The following ZMAT3 variants were observed in gnomAD, a reference collection of about 807,000 sequenced individuals.
ZMAT3 encodes zinc finger matrin-type protein 3.
In ZMAT3, 17 loss-of-function variants were observed where a neutral mutation model predicts 32.3. The observed-to-expected ratio is 0.53, with a 90% CI of 0.36 to 0.79. The LOEUF (loss-of-function observed/expected upper bound fraction) is 0.79, where lower values mean the gene tolerates loss of function less well. ZMAT3 is among the 30% of genes least tolerant of loss of function. The pLI is 0.00. For missense variants in ZMAT3, 329 were observed against 359.7 expected (o/e 0.91, Z 0.69); for synonymous variants, 120 against 133.1 (o/e 0.90, Z 0.68).
chr3:179,054,953 A>T (rs1720759357), intron 2 of ZMAT3, among the ~76,000 whole-genome samples: 1 of 152,124 alleles, frequency 6.6e-6, no homozygotes, highest in Non-Finnish European at 1.5e-5. Context: ...CTTCTAATAG[A>T]GCTATAATAC....
Position 179,067,829 on chromosome 3 carries a change from A to T in ZMAT3, c.-57-20T>A. ...TCAAATCTGAATCAACAGCAAAAAA[A>T]CAGAAAAAAAAACTCACTTGAAAAT... On this transcript the variant is annotated intron_variant, in intron 1 of 5. Transcript: ENST00000311417. The T allele has an allele frequency of 1.9e-6, 3 of 1,553,118 alleles. No homozygotes were observed. Among genetic ancestry groups the T allele is most frequent in the Non-Finnish European group, 2.6e-6 (3 of 1,153,194 alleles).
intron 1 of ZMAT3, among the ~76,000 whole-genome samples, chr3:179,068,304 C>A (rs1258663434): frequency 6.6e-6 from 1 of 151,966 alleles, no homozygotes; most frequent in South Asian, 2.1e-4. Context: ...GTCAGGAGTT[C>A]GAGACCAGCC....
In ZMAT3 at chr3:179,034,110, A is replaced by T. The variant is rs542315332; in HGVS notation, c.271-3111T>A. Reference sequence around the variant, plus strand: ...CTAAATAAGGGTAAAACAGTATATTATTCTTTAAACTGCATTGTAAAACTC... The same window carrying T: ...CTAAATAAGGGTAAAACAGTATATTTTTCTTTAAACTGCATTGTAAAACTC... On this transcript the variant is annotated intron_variant, in intron 2 of 5. Transcript: ENST00000311417. 3.9e-5 allele frequency among the ~76,000 whole-genome samples: 6 copies of T among 152,366 alleles called. No individual in the cohort carries two copies. In the East Asian group the frequency reaches 1.2e-3, roughly 29 times the overall value.
intron 2 of ZMAT3, among the ~76,000 whole-genome samples, chr3:179,048,341 T>C (rs1006133481): frequency 6.6e-6 from 1 of 152,134 alleles, no homozygotes; most frequent in African/African-American, 2.4e-5. Flanking sequence ...AAAAAGATCA[T>C]CGCCTAGGCA....
At chr3:179,063,344 C>T (rs1721246098) in intron 2 of ZMAT3, among the ~76,000 whole-genome samples, 1 of 152,198 alleles carries the variant, frequency 6.6e-6, no homozygotes, top group African/African-American at 2.4e-5. Flanking sequence ...TAATAGCATT[C>T]TCTTCATTAT....
In ZMAT3 at chr3:179,023,712, T is replaced by TATATATATATATATATA. The variant is rs1718686965; in HGVS notation, c.*1304_*1305insTATATATATATATATAT. Reference sequence around the variant, plus strand: ...AAAATATATCTATATATATATATATTTTTTTTTTTTTTTTTTTTTTTTTTT... The same window carrying TATATATATATATATATA: ...AAAATATATCTATATATATATATATTATATATATATATATATATTTTTTTTTTTTTTTTTTTTTTTTT... On this transcript the variant is annotated 3_prime_UTR_variant, in exon 6 of 6. Transcript: ENST00000311417. 5.6e-5 allele frequency: 1 copy of TATATATATATATATATA among 17,864 alleles called. No individual in the cohort carries two copies. The highest frequency in any genetic ancestry group is 4.2e-4 in the African/African-American group (1 of 2,368). 1.1% of individuals were successfully genotyped at this position (17,864 alleles called of 1,614,324 possible).
At chr3:179,027,889 A>C (rs936953105) in intron 3 of ZMAT3, 77 bp from the exon 4 acceptor site, 52 of 1,455,678 alleles carry the variant, frequency 3.6e-5, no homozygotes, top group Non-Finnish European at 4.6e-5. Flanking sequence ...GGTCTTTCTA[A>C]GAGCTGAAAA....
intron 2 of ZMAT3, among the ~76,000 whole-genome samples, chr3:179,058,459 T>C (rs1158296430): frequency 6.6e-6 from 1 of 152,154 alleles, no homozygotes; most frequent in African/African-American, 2.4e-5. Flanking sequence ...AGTTCCTTTG[T>C]AGAAAAAGGA....
chr3:179,046,929 C>A lies in ZMAT3; in HGVS notation c.271-15930G>T, dbSNP rs1471928466. ...GGTCTTCTCTACCCACACTGGTGGCCGAAGACAAAGGACATAAGCTCTTGG... is the reference window on the plus strand; with the variant it reads ...GGTCTTCTCTACCCACACTGGTGGCAGAAGACAAAGGACATAAGCTCTTGG... On this transcript the variant is annotated intron_variant, in intron 2 of 5. Coordinates refer to ENST00000311417, the MANE Select transcript of ZMAT3 (RefSeq NM_022470.4). The surrounding 1 kb of genome is among the most constrained non-coding windows in gnomAD (Gnocchi z 4.3). Among the ~76,000 whole-genome samples the A allele has an allele frequency of 6.6e-6, 1 of 152,146 alleles. No individual in the cohort carries two copies. The highest frequency in any genetic ancestry group is 1.5e-5 in the Non-Finnish European group (1 of 68,030).
rs370508054 is a variant in ZMAT3, at chr3:179,027,400, G to T, written c.658+23C>A. ...AGACTAGGTACAGAATGTACCCAAG[G>T]TATGTGGAAACAGACAAGATACCTG... On this transcript the variant is annotated intron_variant, in intron 5 of 5. Coordinates refer to ENST00000311417, the MANE Select transcript of ZMAT3 (RefSeq NM_022470.4). 5 of 1,598,690 alleles carry T rather than the reference G, an allele frequency of 3.1e-6. No homozygotes were observed. In the African/African-American group the frequency reaches 4.0e-5, roughly 13 times the overall value.
chr3:179,070,559 T>C (rs1420800672), intron 1 of ZMAT3, among the ~76,000 whole-genome samples: 1 of 152,180 alleles, frequency 6.6e-6, no homozygotes, highest in Admixed American at 6.5e-5. Context: ...AATCTTAAAA[T>C]GAATAAAACC....
At chr3:179,058,627 G>A (rs1045677335) in intron 2 of ZMAT3, among the ~76,000 whole-genome samples, 1 of 151,490 alleles carries the variant, frequency 6.6e-6, no homozygotes, top group African/African-American at 2.4e-5. Flanking sequence ...GTAGTGGCGG[G>A]CGCCTGTAGT....
intron 2 of ZMAT3, among the ~76,000 whole-genome samples, chr3:179,037,525 C>T (rs1243838721): frequency 6.6e-6 from 1 of 152,162 alleles, no homozygotes; most frequent in Non-Finnish European, 1.5e-5. Context: ...GCCTGCCAGG[C>T]TGAGTGGGCG....
Position 179,067,480 on chromosome 3 carries a change from T to C in ZMAT3, c.270+3A>G. 4.3e-6 allele frequency: 7 copies of C among 1,613,820 alleles called. No homozygotes were observed. The highest frequency in any genetic ancestry group is 5.9e-6 in the Non-Finnish European group (7 of 1,179,692). ...AATGCCTGGTTTTCTTTTCTCCCTT[T>C]ACCTGATAATGAGCCTGGGCTTGCT... is the stretch of plus-strand genomic sequence containing the variant. On this transcript the variant is annotated splice_donor_region_variant and intron_variant, in intron 2 of 5. Coordinates refer to ENST00000311417, the MANE Select transcript of ZMAT3 (RefSeq NM_022470.4).
chr3:179,040,822 G>A (rs1164831835), intron 2 of ZMAT3, among the ~76,000 whole-genome samples: 2 of 151,698 alleles, frequency 1.3e-5, no homozygotes, highest in African/African-American at 4.8e-5. Flanking sequence ...GCTGTATTCA[G>A]GAGACCCATC....
intron 2 of ZMAT3, among the ~76,000 whole-genome samples, chr3:179,035,169 CTG>C (rs2108548121): frequency 6.6e-6 from 1 of 152,286 alleles, no homozygotes; most frequent in Admixed American, 6.5e-5. Flanking sequence ...CCCTGTCTAA[CTG>C]ACAAATCTCA....
rs57477590 is a variant in ZMAT3 at position 179,023,711 on chromosome 3, T to TATATATATATATA, written c.*1305_*1306insTATATATATATAT. 39 of 15,070 alleles carry TATATATATATATA rather than the reference T, an allele frequency of 2.6e-3. 4 individuals carry two copies. Among genetic ancestry groups the TATATATATATATA allele is most frequent in the African/African-American group, 5.8e-3 (13 of 2,230 alleles). The allele number at this position is 15,070 out of a possible 1,614,324, so 0.9% of individuals were successfully genotyped here. A position where few individuals can be genotyped will look rare whatever the true frequency, so the allele number is the denominator to read the frequency against. On this transcript the variant is annotated 3_prime_UTR_variant, in exon 6 of 6. Transcript: ENST00000311417. ...GAAAATATATCTATATATATATATA[T>TATATATATATATA]TTTTTTTTTTTTTTTTTTTTTTTTT...
chr3:179,030,512 G>A (rs573986097), intron 3 of ZMAT3, among the ~76,000 whole-genome samples: 91 of 152,038 alleles, frequency 6.0e-4, no homozygotes, highest in African/African-American at 1.9e-3. Context: ...CCGCCACCAC[G>A]CCTGGCTAAT....
Position 179,027,423 on chromosome 3 carries a change from C to T in ZMAT3, c.658G>A (p.Ala220Thr), listed in dbSNP as rs2108535773. The T allele has an allele frequency of 6.2e-7, 1 of 1,612,582 alleles. No homozygotes were observed. The highest frequency in any genetic ancestry group is 8.5e-7 in the Non-Finnish European group (1 of 1,178,954). ...AGGTATGTGGAAACAGACAAGATAC[C>T]TGAATTATTCTGTACTGTATACATA... is the stretch of plus-strand genomic sequence containing the variant. ...RNMYTVQNNSAGPYFNPRSRQ... is the reference protein window; with the variant it reads ...RNMYTVQNNSTGPYFNPRSRQ... The change falls in exon 5 of 6, where the codon GCA (alanine) becomes ACA (threonine). Residue 220 changes from alanine to threonine, a missense_variant and splice_region_variant. Physicochemically the swap from Ala to Thr is moderately conservative, Grantham distance 58. Transcript: ENST00000311417.
Sources: allele counts gnomAD v4.1 joint callset (sites outside exome capture counted in the v4.1 genomes callset), GRCh38; gene constraint gnomAD v4.1.1; non-coding constraint Gnocchi (gnomAD v3.1); transcripts MANE v1.5; gene names NCBI Gene and HGNC (gene_info 2026-07-23, HGNC 2026-07-21).